BMPR2: variants seen among roughly 807,000 people sequenced by gnomAD.
BMPR2 encodes the protein bone morphogenetic protein receptor type 2.
In BMPR2, 29 loss-of-function variants were observed where a neutral mutation model predicts 100.8. That is an observed-to-expected ratio of 0.29 (90% CI 0.21 to 0.39). BMPR2 has a LOEUF of 0.39. BMPR2 is among the 10% of genes least tolerant of loss of function. The pLI is 1.00. For missense variants in BMPR2, 1,011 were observed against 1,274.5 expected, an observed-to-expected ratio of 0.79 and a Z score of 3.15; for synonymous variants, 382 against 442.3, an observed-to-expected ratio of 0.86 and a Z score of 1.71.
chr2:202,404,387 G>A (rs1267174791), intron 1 of BMPR2, among the ~76,000 whole-genome samples: 1 of 151,904 alleles, frequency 6.6e-6, no homozygotes, highest in Non-Finnish European at 1.5e-5. Flanking sequence ...GTAGAGACAG[G>A]GTTTCACCAT....
In BMPR2 at chr2:202,407,117, T is replaced by G. The variant is rs192005675; in HGVS notation, c.76+29567T>G. ...CATGTGCTAATTTTTGTATTTTTTT[T>G]TTTTGAGTAGAGACAGGGTTTCACC... On this transcript the variant is annotated intron_variant, in intron 1 of 12. Transcript: ENST00000374580. 3.2e-4 allele frequency among the ~76,000 whole-genome samples: 49 copies of G among 151,972 alleles called. No homozygotes were observed. In the Middle Eastern group the frequency reaches 0.01, roughly 32 times the overall value.
intron 7 of BMPR2, among the ~76,000 whole-genome samples, chr2:202,527,744 G>A (rs978389277): frequency 6.6e-6 from 1 of 151,738 alleles, no homozygotes; most frequent in African/African-American, 2.4e-5. Flanking sequence ...CCGACATTGC[G>A]CCACTGCAGT....
At chr2:202,422,192 C>T (rs1691277468) in intron 1 of BMPR2, among the ~76,000 whole-genome samples, 1 of 152,182 alleles carries the variant, frequency 6.6e-6, no homozygotes, top group South Asian at 2.1e-4. Context: ...CAGGCGTGAG[C>T]CACTGCACCC....
intron 1 of BMPR2, among the ~76,000 whole-genome samples, chr2:202,386,546 A>G (rs1005215512): frequency 5.3e-5 from 8 of 151,748 alleles, no homozygotes; most frequent in African/African-American, 1.9e-4. Flanking sequence ...TACCACCTCC[A>G]CTGTGCTACT....
intron 3 of BMPR2, among the ~76,000 whole-genome samples, chr2:202,477,388 A>G (rs1298547766): frequency 6.6e-6 from 1 of 151,260 alleles, no homozygotes; most frequent in Non-Finnish European, 1.5e-5. Context: ...TTTTTTTTTA[A>G]TTTGAAGGAT....
chr2:202,542,359 A>T lies in BMPR2; in HGVS notation c.1325A>T (p.Asn442Ile). 6.2e-7 allele frequency: 1 copy of T among 1,614,108 alleles called. No homozygotes were observed. Among genetic ancestry groups the T allele is most frequent in the Admixed American group, 1.7e-5 (1 of 60,012 alleles). ...YQMAFQTEVG[N>I]HPTFEDMQVL... is the part of the protein sequence containing the mutation. The stretch of plus-strand genomic sequence containing the variant: ...ATGGCTTTTCAGACAGAGGTTGGAA[A>T]CCATCCCACTTTTGAGGATATGCAG... The change falls in exon 10 of 13, where the codon AAC becomes ATC. Residue 442 changes from asparagine to isoleucine, a missense_variant. Physicochemically the swap from Asn to Ile is moderately radical, Grantham distance 149 (BLOSUM62 -3). Around this residue, in one of 6 missense-constraint regions of BMPR2, gnomAD observed 83 missense variants for 140.7 expected, o/e 0.59. Coordinates refer to ENST00000374580, the MANE Select transcript of BMPR2 (RefSeq NM_001204.7).
chr2:202,422,146 A>G (rs564663181), intron 1 of BMPR2, among the ~76,000 whole-genome samples: 1 of 152,096 alleles, frequency 6.6e-6, no homozygotes, highest in African/African-American at 2.4e-5. Context: ...TGACTTCGTG[A>G]TCTGCCCGCG....
intron 1 of BMPR2, among the ~76,000 whole-genome samples, chr2:202,447,379 C>T (rs1691872172): frequency 6.6e-6 from 1 of 150,474 alleles, no homozygotes; most frequent in Non-Finnish European, 1.5e-5. Flanking sequence ...ATTTTGACAA[C>T]CTAAATATAT....
At chr2:202,413,850 A>G (rs946732563) in intron 1 of BMPR2, among the ~76,000 whole-genome samples, 2 of 152,044 alleles carry the variant, frequency 1.3e-5, no homozygotes, top group Non-Finnish European at 2.9e-5. Flanking sequence ...TTTTTAGTAG[A>G]GATGAGGTTT....
At chr2:202,551,396 C>T (rs1323210959) in intron 10 of BMPR2, among the ~76,000 whole-genome samples, 1 of 149,386 alleles carries the variant, frequency 6.7e-6, no homozygotes, top group African/African-American at 2.5e-5. Context: ...TGGTGGCAGG[C>T]GCCTATAATC....
At chr2:202,527,697 G>A (rs1687942370) in intron 7 of BMPR2, among the ~76,000 whole-genome samples, 1 of 151,848 alleles carries the variant, frequency 6.6e-6, no homozygotes, top group Non-Finnish European at 1.5e-5. Flanking sequence ...TGAGGCAGGA[G>A]AATGGCGTGA....
At chr2:202,556,813 G>A (rs186627487) in intron 12 of BMPR2, among the ~76,000 whole-genome samples, 51 of 151,524 alleles carry the variant, frequency 3.4e-4, no homozygotes, top group Non-Finnish European at 5.3e-4. Context: ...GGCCAGGCGC[G>A]GTGGCTCACG....
In BMPR2 at chr2:202,567,225, G is replaced by A. The variant is rs1429365962; in HGVS notation, c.*7279G>A. The stretch of plus-strand genomic sequence containing the variant: ...AGCTGAAACATGGAGATGCGTAGCT[G>A]TCATGCTTTTTCTGAATGGACAGGA... On this transcript the variant is annotated 3_prime_UTR_variant, in exon 13 of 13. Coordinates refer to ENST00000374580, the MANE Select transcript of BMPR2 (RefSeq NM_001204.7). 1 of 152,640 alleles carries A rather than the reference G, an allele frequency of 6.6e-6. No individual in the cohort carries two copies. Among genetic ancestry groups the A allele is most frequent in the African/African-American group, 2.4e-5 (1 of 41,450 alleles). 9.5% of individuals were successfully genotyped at this position (152,640 alleles called of 1,614,324 possible).
At chr2:202,407,937 C>T (rs1298674596) in intron 1 of BMPR2, among the ~76,000 whole-genome samples, 1 of 151,244 alleles carries the variant, frequency 6.6e-6, no homozygotes, top group Non-Finnish European at 1.5e-5. Context: ...AGGTTCACTC[C>T]ATTCTCCTGC....
chr2:202,507,627 G>T (rs1687546200), intron 3 of BMPR2, among the ~76,000 whole-genome samples: 1 of 151,548 alleles, frequency 6.6e-6, no homozygotes, highest in Admixed American at 6.6e-5. Flanking sequence ...GGCCTAAAGC[G>T]GTTCTCCCAG....
chr2:202,429,675 A>G (rs1463461287), intron 1 of BMPR2, among the ~76,000 whole-genome samples: 1 of 152,194 alleles, frequency 6.6e-6, no homozygotes, highest in African/African-American at 2.4e-5. Context: ...TAAAGGAAAG[A>G]GGTTTAATTG....
At position 202,564,443 on chromosome 2, in the gene BMPR2, A is replaced by T. The variant is rs545601751; in HGVS notation, c.*4497A>T. On this transcript the variant is annotated 3_prime_UTR_variant, in exon 13 of 13. Transcript: ENST00000374580. ...ATTCTGGAAATTGTAACACTCCCAC[A>T]TAAACCCCAGGAGACTTTTTCAGAA... The T allele has an allele frequency of 6.6e-6, 1 of 152,350 alleles. No individual in the cohort carries two copies. Among genetic ancestry groups the T allele is most frequent in the African/African-American group, 2.4e-5 (1 of 41,590 alleles). 9.4% of individuals were successfully genotyped at this position (152,350 alleles called of 1,614,324 possible).
intron 9 of BMPR2, among the ~76,000 whole-genome samples, chr2:202,541,550 T>C (rs1450412593): frequency 1.3e-5 from 2 of 152,206 alleles, no homozygotes; most frequent in African/African-American, 4.8e-5. Flanking sequence ...TAATGAGACA[T>C]AGTGACTGTT....
At chr2:202,497,375 AT>A (rs570379806) in intron 3 of BMPR2, among the ~76,000 whole-genome samples, 2 of 152,214 alleles carry the variant, frequency 1.3e-5, no homozygotes, top group Non-Finnish European at 2.9e-5. Context: ...TTTCCTTAGA[AT>A]TCGGGGGCTA....
Sources: gnomAD v4.1 joint callset for allele counts (sites outside exome capture counted in the v4.1 genomes callset) on GRCh38, gnomAD v4.1.1 for gene constraint, gnomAD v4.1.1 regional missense constraint, MANE v1.5 for transcripts, NCBI Gene and HGNC (gene_info 2026-07-23, HGNC 2026-07-21) for gene names.